RPS6KC1: variants seen among roughly 807,000 people sequenced by gnomAD.
The protein encoded by RPS6KC1 is inactive ribosomal protein S6 kinase delta-1.
RPS6KC1 carries 54 observed loss-of-function variants against 103.8 expected under a neutral mutation model. That is an observed-to-expected ratio of 0.52 (90% confidence interval 0.42 to 0.65). RPS6KC1 has a LOEUF of 0.65. Ranked by LOEUF, RPS6KC1 falls within the 30% of genes least tolerant of loss-of-function variation. RPS6KC1 has a pLI of 0.00. For missense variants in RPS6KC1, 1,151 were observed against 1,253.8 expected (o/e 0.92, Z 1.24); for synonymous variants, 439 against 438.7 (o/e 1.00, Z -0.01).
At chr1:213,443,219 C>T in the RPS6KC1 span, among the ~76,000 whole-genome samples, 2 of 152,164 alleles carry the variant, frequency 1.3e-5, no homozygotes, top group African/African-American at 2.4e-5. Flanking sequence ...CCAGCCCATA[C>T]GGTGCCATTG....
intron 6 of RPS6KC1, among the ~76,000 whole-genome samples, chr1:213,150,873 C>A (rs971997564): frequency 1.3e-5 from 2 of 152,150 alleles, no homozygotes; most frequent in Non-Finnish European, 2.9e-5. Flanking sequence ...GGGCTCCTCA[C>A]TTCCCAGTAG....
the RPS6KC1 span, among the ~76,000 whole-genome samples, chr1:213,344,408 C>T: frequency 6.6e-6 from 1 of 152,132 alleles, no homozygotes; most frequent in Non-Finnish European, 1.5e-5. Flanking sequence ...GCATAAAAAG[C>T]TGTCTTAAAA....
At chr1:213,305,844 C>T in the RPS6KC1 span, among the ~76,000 whole-genome samples, 198 of 152,260 alleles carry the variant, frequency 1.3e-3, no homozygotes, top group African/African-American at 4.2e-3. Context: ...TTGTACCAGT[C>T]GATTTGCTTT....
the RPS6KC1 span, among the ~76,000 whole-genome samples, chr1:213,516,528 A>G: frequency 6.6e-6 from 1 of 152,220 alleles, no homozygotes; most frequent in African/African-American, 2.4e-5. Context: ...ATGCTGGATT[A>G]CGTTTATTGA....
At chr1:213,753,153 G>C in the RPS6KC1 span, among the ~76,000 whole-genome samples, 3 of 152,298 alleles carry the variant, frequency 2.0e-5, no homozygotes, top group African/African-American at 7.2e-5. Context: ...CGCATCCAGT[G>C]GTAGCCATGG....
chr1:213,072,874 A>G, intron 2 of RPS6KC1: 3 of 932,310 alleles, frequency 3.2e-6, no homozygotes, highest in Non-Finnish European at 3.8e-6. Flanking sequence ...TTCCAGGGAG[A>G]ATCCTGAACC....
intron 8 of RPS6KC1, among the ~76,000 whole-genome samples, chr1:213,208,310 T>C (rs1322029691): frequency 6.6e-6 from 1 of 152,220 alleles, no homozygotes; most frequent in Non-Finnish European, 1.5e-5. Flanking sequence ...CCACTTTTTG[T>C]TATTCTGGGA....
At chr1:213,319,088 C>T in the RPS6KC1 span, among the ~76,000 whole-genome samples, 2 of 152,094 alleles carry the variant, frequency 1.3e-5, no homozygotes, top group Admixed American at 6.5e-5. Context: ...GGTGGATCAT[C>T]TGAGGTCAGG....
the RPS6KC1 span, among the ~76,000 whole-genome samples, chr1:213,793,984 T>A: frequency 6.6e-6 from 1 of 152,188 alleles, no homozygotes; most frequent in Non-Finnish European, 1.5e-5. Context: ...ACTTCAAGGT[T>A]ATGTGATTAG....
the RPS6KC1 span, among the ~76,000 whole-genome samples, chr1:213,675,449 A>C: frequency 6.6e-6 from 1 of 152,182 alleles, no homozygotes; most frequent in Non-Finnish European, 1.5e-5. Context: ...TGGCATGTAT[A>C]TGGCAAAAGG....
the RPS6KC1 span, among the ~76,000 whole-genome samples, chr1:213,801,551 G>A: frequency 2.6e-5 from 4 of 152,082 alleles, no homozygotes; most frequent in African/African-American, 7.2e-5. Flanking sequence ...AAAATGAGAC[G>A]GGCAGGTGGA....
the RPS6KC1 span, among the ~76,000 whole-genome samples, chr1:213,487,291 G>C: frequency 6.6e-5 from 10 of 152,184 alleles, no homozygotes; most frequent in Non-Finnish European, 1.5e-4. Flanking sequence ...AGCTACCTGG[G>C]GGGCTGAGGT....
intron 3 of RPS6KC1, among the ~76,000 whole-genome samples, chr1:213,090,402 C>T (rs1215044202): frequency 6.6e-6 from 1 of 152,034 alleles, no homozygotes; most frequent in Non-Finnish European, 1.5e-5. Context: ...AGGACTGTGC[C>T]TGACATATAA....
intron 8 of RPS6KC1, among the ~76,000 whole-genome samples, chr1:213,188,817 T>C (rs1426184777): frequency 7.0e-6 from 1 of 142,808 alleles, no homozygotes; most frequent in Non-Finnish European, 1.6e-5. Flanking sequence ...AGAGTTTCTA[T>C]CAAATTTTCC....
At chr1:213,110,398 A>C (rs1455244671) in intron 4 of RPS6KC1, among the ~76,000 whole-genome samples, 1 of 152,098 alleles carries the variant, frequency 6.6e-6, no homozygotes, top group Non-Finnish European at 1.5e-5. Flanking sequence ...TTTAGTAACT[A>C]ATACTTTTTG....
At chr1:213,547,350 G>C in the RPS6KC1 span, among the ~76,000 whole-genome samples, 2 of 152,156 alleles carry the variant, frequency 1.3e-5, no homozygotes, top group African/African-American at 4.8e-5. Flanking sequence ...ACCTAGAAAT[G>C]CCTGCCACAG....
intron 8 of RPS6KC1, among the ~76,000 whole-genome samples, chr1:213,218,294 CT>C (rs2093725015): frequency 6.6e-6 from 1 of 152,012 alleles, no homozygotes; most frequent in Non-Finnish European, 1.5e-5. Flanking sequence ...ATTAAAATAC[CT>C]AGGAATCCAA....
At chr1:213,474,190 C>T in the RPS6KC1 span, among the ~76,000 whole-genome samples, 1 of 152,252 alleles carries the variant, frequency 6.6e-6, no homozygotes, top group African/African-American at 2.4e-5. Flanking sequence ...GATGGAGCAA[C>T]TGCTCCTATC....
the RPS6KC1 span, among the ~76,000 whole-genome samples, chr1:213,488,167 A>G: frequency 3.3e-5 from 5 of 152,200 alleles, no homozygotes; most frequent in Admixed American, 3.3e-4. Flanking sequence ...AAGCTCCCTA[A>G]GTCAGGGGTG....
Sources: allele counts gnomAD v4.1 joint callset (sites outside exome capture counted in the v4.1 genomes callset), GRCh38; gene constraint gnomAD v4.1.1; transcripts MANE v1.5; gene names NCBI Gene and HGNC (gene_info 2026-07-23, HGNC 2026-07-21).